Variants in FARS2 observed in about 807,000 individuals in gnomAD.
The protein encoded by FARS2 is phenylalanine--tRNA ligase, mitochondrial.
In FARS2, 40 loss-of-function variants were observed where a neutral mutation model predicts 46.4. The ratio of observed to expected loss-of-function variants is 0.86; its 90% CI spans 0.67 to 1.12. The LOEUF (loss-of-function observed/expected upper bound fraction) is 1.12, where lower values mean the gene tolerates loss of function less well. Among genes scored for constraint, FARS2 ranks in the 50% most tolerant of loss-of-function variants. FARS2 has a pLI of 0.00. For synonymous variants in FARS2, 234 were observed against 214.9 expected (o/e 1.09, Z -0.78); for missense variants, 513 against 567.9 (o/e 0.90, Z 0.98).
chr6:5,312,992 A>G (rs533990300), intron 1 of FARS2, among the ~76,000 whole-genome samples: 1 of 152,288 alleles, frequency 6.6e-6, no homozygotes, highest in East Asian at 1.9e-4. Context: ...TATGGCATCA[A>G]ATACAAATTT....
intron 1 of FARS2, among the ~76,000 whole-genome samples, chr6:5,275,832 C>T (rs2127839818): frequency 6.7e-6 from 1 of 149,988 alleles, no homozygotes; most frequent in Non-Finnish European, 1.5e-5. Flanking sequence ...CCTGTCAGTT[C>T]CTTCAGAAGA....
At chr6:5,569,109 C>T (rs1372079908) in intron 5 of FARS2, among the ~76,000 whole-genome samples, 1 of 151,660 alleles carries the variant, frequency 6.6e-6, no homozygotes, top group African/African-American at 2.4e-5. Context: ...AGTAGGTAAA[C>T]ATGAGCCAGA....
At chr6:5,445,171 A>C (rs1764111788) in intron 4 of FARS2, among the ~76,000 whole-genome samples, 2 of 121,700 alleles carry the variant, frequency 1.6e-5, no homozygotes, top group Admixed American at 1.9e-4. Flanking sequence ...TTCCTCTTAA[A>C]GAAATTCTTA....
At chr6:5,614,555 G>A (rs982344628) in intron 6 of FARS2, among the ~76,000 whole-genome samples, 3 of 152,058 alleles carry the variant, frequency 2.0e-5, no homozygotes, top group Non-Finnish European at 4.4e-5. Context: ...GACTACAGGC[G>A]CCTGCTACGG....
intron 1 of FARS2, among the ~76,000 whole-genome samples, chr6:5,345,236 C>T (rs945794007): frequency 6.6e-6 from 1 of 151,830 alleles, no homozygotes; most frequent in African/African-American, 2.4e-5. Flanking sequence ...TTTTATTATG[C>T]GTCTGTTCTT....
intron 1 of FARS2, among the ~76,000 whole-genome samples, chr6:5,270,232 C>T (rs1256381777): frequency 4.6e-5 from 7 of 152,154 alleles, no homozygotes; most frequent in Non-Finnish European, 7.4e-5. Flanking sequence ...CTGAGATAAG[C>T]ACATTGTTAT....
intron 4 of FARS2, among the ~76,000 whole-genome samples, chr6:5,492,532 C>A (rs1222472225): frequency 6.6e-6 from 1 of 152,212 alleles, no homozygotes; most frequent in Non-Finnish European, 1.5e-5. Flanking sequence ...ATTTAAAATT[C>A]TACCAGCAAT....
At chr6:5,627,569 G>A (rs1776096768) in intron 6 of FARS2, among the ~76,000 whole-genome samples, 1 of 152,216 alleles carries the variant, frequency 6.6e-6, no homozygotes, top group Non-Finnish European at 1.5e-5. Flanking sequence ...GATGGAATAA[G>A]CATTTCTAAC....
At position 5,613,187 on chromosome 6, in the gene FARS2, G is replaced by A. The variant is rs1775281586; in HGVS notation, c.1084G>A (p.Ala362Thr). 3 of 1,612,544 alleles carry A rather than the reference G, an allele frequency of 1.9e-6. No homozygotes were observed. Among genetic ancestry groups the A allele is most frequent in the African/African-American group, 1.3e-5 (1 of 74,836 alleles). Residue 362 changes from alanine (A) to threonine (T), a missense_variant, in exon 6 of 7, where the codon GCT (alanine) becomes ACT (threonine). Physicochemically the swap from Ala to Thr is moderately conservative, Grantham distance 58. Coordinates refer to ENST00000274680, the MANE Select transcript of FARS2 (RefSeq NM_006567.5). Reference sequence around the variant, plus strand: ...TTGTTAGCCTCTTAGCAAATATCCGGCTGTGATCAATGATATTTCATTCTG... The same window carrying A: ...TTGTTAGCCTCTTAGCAAATATCCGACTGTGATCAATGATATTTCATTCTG... ...VKFQPLSKYP[A>T]VINDISFWLP...
chr6:5,289,560 C>A (rs910346146), intron 1 of FARS2, among the ~76,000 whole-genome samples: 1 of 152,138 alleles, frequency 6.6e-6, no homozygotes, highest in African/African-American at 2.4e-5. Flanking sequence ...TGATTGGTTG[C>A]GGAAAGGGAC....
At chr6:5,633,333 T>C (rs1001554875) in intron 6 of FARS2, among the ~76,000 whole-genome samples, 4 of 132,714 alleles carry the variant, frequency 3.0e-5, no homozygotes, top group Admixed American at 2.7e-4. Context: ...TGGAGTGCAG[T>C]GGTGCGATCT....
At chr6:5,289,755 A>G (rs1767374915) in intron 1 of FARS2, among the ~76,000 whole-genome samples, 1 of 152,224 alleles carries the variant, frequency 6.6e-6, no homozygotes, top group Non-Finnish European at 1.5e-5. Flanking sequence ...GAGGGGACCA[A>G]TCAGAGATAC....
At position 5,369,098 on chromosome 6, in the gene FARS2, T is replaced by A. The variant is rs1208331324; in HGVS notation, c.528T>A (p.Asp176Glu). The A allele has an allele frequency of 6.2e-7, 1 of 1,613,836 alleles. No individual in the cohort carries two copies. Among genetic ancestry groups the A allele is most frequent in the Non-Finnish European group, 8.5e-7 (1 of 1,180,002 alleles). Residue 176 changes from aspartate to glutamate, a missense_variant, in exon 2 of 7, where the codon GAT becomes GAA. Transcript: ENST00000274680. The part of the protein sequence containing the change: ...AGLDAFLVVG[D>E]VYRRDQIDSQ... ...TGGATGCCTTCCTGGTGGTGGGTGA[T>A]GTCTACAGGCGTGACCAGATCGACT...
chr6:5,744,389 G>A (rs1393952035), intron 6 of FARS2, among the ~76,000 whole-genome samples: 1 of 152,212 alleles, frequency 6.6e-6, no homozygotes, highest in Non-Finnish European at 1.5e-5. Context: ...GTTCGCATTG[G>A]TAACAATCAG....
At chr6:5,637,639 G>T (rs540016178) in intron 6 of FARS2, among the ~76,000 whole-genome samples, 3 of 152,238 alleles carry the variant, frequency 2.0e-5, no homozygotes, top group African/African-American at 7.2e-5. Flanking sequence ...AATTTGCTAG[G>T]GCTGCATAAT....
intron 4 of FARS2, chr6:5,467,107 G>C: frequency 1.0e-6 from 1 of 984,236 alleles, no homozygotes; most frequent in Non-Finnish European, 1.2e-6. Flanking sequence ...ATTGGTTGTT[G>C]AGCCCTCCAT....
chr6:5,764,823 G>C lies in FARS2; in HGVS notation c.1218-6468G>C, dbSNP rs1434964425. 6.6e-6 allele frequency among the ~76,000 whole-genome samples: 1 copy of C among 152,184 alleles called. No individual in the cohort carries two copies. Among genetic ancestry groups the C allele is most frequent in the Non-Finnish European group, 1.5e-5 (1 of 68,038 alleles). ...GGGTAAACCAAGTGGTTGTATGATA[G>C]AGGAATTCCAACCCTCGCTAACACT... On this transcript the variant is annotated intron_variant, in intron 6 of 6. Coordinates refer to ENST00000274680, the MANE Select transcript of FARS2 (RefSeq NM_006567.5). The surrounding 1 kb of genome is among the most constrained non-coding windows in gnomAD (Gnocchi z 4.1).
intron 6 of FARS2, among the ~76,000 whole-genome samples, chr6:5,719,411 AGG>A (rs1432267323): frequency 7.9e-6 from 1 of 126,128 alleles, no homozygotes; most frequent in African/African-American, 3.0e-5. Flanking sequence ...AAAAAAAAAA[AGG>A]AAGAAGAAAG....
At chr6:5,259,560 G>C (rs1488342132), upstream of FARS2, among the ~76,000 whole-genome samples, 2 of 151,820 alleles carry the variant, frequency 1.3e-5, no homozygotes, top group African/African-American at 4.9e-5. Context: ...TAGCGTTCCT[G>C]TCCTCTGACA....
Sources: allele counts gnomAD v4.1 joint callset (sites outside exome capture counted in the v4.1 genomes callset), GRCh38; gene constraint gnomAD v4.1.1; non-coding constraint Gnocchi (gnomAD v3.1); transcripts MANE v1.5; gene names NCBI Gene and HGNC (gene_info 2026-07-23, HGNC 2026-07-21).